Variants in PDCD6IP observed in about 807,000 individuals in gnomAD.
PDCD6IP encodes programmed cell death 6-interacting protein.
In PDCD6IP, 43 loss-of-function variants were observed where a neutral mutation model predicts 103.7. The ratio of observed to expected loss-of-function variants is 0.41; its 90% CI spans 0.32 to 0.53. The LOEUF is 0.53. Ranked by LOEUF, PDCD6IP falls within the 20% of genes least tolerant of loss-of-function variation. PDCD6IP has a pLI of 0.16. For missense variants in PDCD6IP, 871 were observed against 1,036.7 expected, an observed-to-expected ratio of 0.84 and a Z score of 2.20; for synonymous variants, 354 against 378.7, an observed-to-expected ratio of 0.93 and a Z score of 0.76.
intron 3 of PDCD6IP, among the ~76,000 whole-genome samples, chr3:33,814,318 A>G (rs1696785245): frequency 6.6e-6 from 1 of 151,808 alleles, no homozygotes; most frequent in Non-Finnish European, 1.5e-5. Context: ...TTTTTTTAGT[A>G]GAGACGGGGT....
At chr3:33,823,521 C>T (rs1697042998) in intron 4 of PDCD6IP, among the ~76,000 whole-genome samples, 2 of 152,214 alleles carry the variant, frequency 1.3e-5, no homozygotes, top group East Asian at 1.9e-4. Context: ...TGGTGGCTCA[C>T]GCCTGTAATC....
chr3:33,846,740 C>T (rs1697600630), intron 12 of PDCD6IP, among the ~76,000 whole-genome samples: 1 of 152,182 alleles, frequency 6.6e-6, no homozygotes. Context: ...CTCCTGATTT[C>T]TTGTGACAGA....
intron 1 of PDCD6IP, 200 bp downstream of exon 1, chr3:33,799,137 C>T (rs1316564961): frequency 1.7e-6 from 1 of 603,140 alleles, no homozygotes; most frequent in South Asian, 2.1e-5. Context: ...CCCGCTTGTC[C>T]TGCCTGCACG....
chr3:33,834,422 T>C (rs1697304849), intron 7 of PDCD6IP, among the ~76,000 whole-genome samples: 2 of 152,168 alleles, frequency 1.3e-5, no homozygotes, highest in East Asian at 1.9e-4. Context: ...CATTTACAAA[T>C]CAAATTTGAT....
At chr3:33,863,677 G>C (rs1212690600) in intron 15 of PDCD6IP, among the ~76,000 whole-genome samples, 2 of 152,114 alleles carry the variant, frequency 1.3e-5, no homozygotes, top group African/African-American at 2.4e-5. Context: ...TGGACACTTA[G>C]GTTGCATTCA....
chr3:33,852,540 A>C lies in PDCD6IP; in HGVS notation c.1694A>C (p.Glu565Ala), dbSNP rs1395446145. 2 of 1,560,126 alleles carry C rather than the reference A, an allele frequency of 1.3e-6. No individual in the cohort carries two copies. Among genetic ancestry groups the C allele is most frequent in the African/African-American group, 2.8e-5 (2 of 71,098 alleles). The change falls in exon 13 of 18, where the codon GAA (glutamate) becomes GCA (alanine). Residue 565 changes from glutamate to alanine, a missense_variant. Physicochemically the swap from Glu to Ala is moderately radical, Grantham distance 107. Coordinates refer to ENST00000307296, the MANE Select transcript of PDCD6IP (RefSeq NM_013374.6). ...LLSNLDEVKK[E>A]REGLENDLKS... The stretch of plus-strand genomic sequence containing the variant: ...TCAAATCTTGATGAAGTAAAGAAGG[A>C]AAGAGAGGGTCTGGAGAATGACTTG...
At chr3:33,850,179 A>G (rs1053142338) in intron 12 of PDCD6IP, among the ~76,000 whole-genome samples, 5 of 152,204 alleles carry the variant, frequency 3.3e-5, no homozygotes, top group Non-Finnish European at 5.9e-5. Context: ...AGTTGTGAAA[A>G]TTGAATTTTC....
intron 1 of PDCD6IP, among the ~76,000 whole-genome samples, chr3:33,807,559 G>T (rs1170899781): frequency 2.9e-5 from 3 of 103,478 alleles, no homozygotes; most frequent in Non-Finnish European, 6.2e-5. Context: ...ACGGCCCCCT[G>T]GGGCAGGTGC....
At chr3:33,854,402 G>T (rs1697785473) in intron 14 of PDCD6IP, among the ~76,000 whole-genome samples, 1 of 152,174 alleles carries the variant, frequency 6.6e-6, no homozygotes, top group Non-Finnish European at 1.5e-5. Flanking sequence ...GTTCTCTGCG[G>T]TGGTTTGCTG....
At chr3:33,838,017 A>G (rs1345448468) in intron 8 of PDCD6IP, among the ~76,000 whole-genome samples, 187 bp from the exon 9 acceptor site, 1 of 152,196 alleles carries the variant, frequency 6.6e-6, no homozygotes, top group Non-Finnish European at 1.5e-5. Flanking sequence ...TTGTCCATGA[A>G]TGTAGTGATC....
chr3:33,812,915 G>A (rs1481536324), intron 2 of PDCD6IP, among the ~76,000 whole-genome samples: 1 of 151,984 alleles, frequency 6.6e-6, no homozygotes, highest in African/African-American at 2.4e-5. Flanking sequence ...CTAATCAAGA[G>A]TTTAGAAATT....
chr3:33,855,407 A>G (rs1697804851), intron 15 of PDCD6IP, 147 bp downstream of exon 15: 1 of 501,106 alleles, frequency 2.0e-6, no homozygotes, highest in South Asian at 3.0e-5. Flanking sequence ...TTTACAAAGC[A>G]ACAAGTAAAC....
chr3:33,821,116 C>G (rs1329402143), intron 3 of PDCD6IP, among the ~76,000 whole-genome samples: 1 of 152,064 alleles, frequency 6.6e-6, no homozygotes, highest in Non-Finnish European at 1.5e-5. Flanking sequence ...TAGTGGTCCT[C>G]CCGCCTCCGA....
chr3:33,813,847 T>C (rs1696770729), intron 3 of PDCD6IP, among the ~76,000 whole-genome samples: 1 of 152,204 alleles, frequency 6.6e-6, no homozygotes, highest in Non-Finnish European at 1.5e-5. Context: ...ATAAAACCGA[T>C]GTACTTAGTT....
intron 1 of PDCD6IP, among the ~76,000 whole-genome samples, chr3:33,809,338 A>G (rs555416052): frequency 6.6e-6 from 1 of 152,218 alleles, no homozygotes; most frequent in South Asian, 2.1e-4. Flanking sequence ...TTTGATAACA[A>G]TGTCAGCCTA....
chr3:33,840,416 TAGTTC>T (rs1697443359), intron 9 of PDCD6IP, among the ~76,000 whole-genome samples: 1 of 152,188 alleles, frequency 6.6e-6, no homozygotes, highest in Non-Finnish European at 1.5e-5. Context: ...CGGACTCATG[TAGTTC>T]AAATCTGTGT....
chr3:33,856,428 G>C (rs1277359175), intron 15 of PDCD6IP, among the ~76,000 whole-genome samples: 1 of 151,852 alleles, frequency 6.6e-6, no homozygotes, highest in Non-Finnish European at 1.5e-5. Context: ...GGAACACAGA[G>C]TAGAAATGAG....
chr3:33,832,968 G>A lies in PDCD6IP; in HGVS notation c.835-3076G>A, dbSNP rs566978980. Among the ~76,000 whole-genome samples the A allele has an allele frequency of 3.9e-5, 6 of 152,120 alleles. No homozygotes were observed. In the South Asian group the frequency reaches 1.2e-3, roughly 32 times the overall value. ...CTATGATGGTCAAACATATATAAAA[G>A]TATGAATCATTGAACTTCTGTTACC... is the stretch of plus-strand genomic sequence containing the variant. On this transcript the variant is annotated intron_variant, in intron 7 of 17. Transcript: ENST00000307296.
rs1430604119 is a variant in PDCD6IP at position 33,869,584 on chromosome 3, A to G, written c.*3059A>G. 6.6e-6 allele frequency: 1 copy of G among 152,216 alleles called. No homozygotes were observed. Among genetic ancestry groups the G allele is most frequent in the East Asian group, 1.9e-4 (1 of 5,198 alleles). 9.4% of individuals were successfully genotyped at this position (152,216 alleles called of 1,614,324 possible). On this transcript the variant is annotated 3_prime_UTR_variant, in exon 18 of 18. Coordinates refer to ENST00000307296, the MANE Select transcript of PDCD6IP (RefSeq NM_013374.6). ...AGATTTTAGATTCTTTTCTGGTTAG[A>G]AACATTGCTGGTAGTTGGATTATAT...
Sources: gnomAD v4.1 joint callset for allele counts (sites outside exome capture counted in the v4.1 genomes callset) on GRCh38, gnomAD v4.1.1 for gene constraint, MANE v1.5 for transcripts, NCBI Gene and HGNC (gene_info 2026-07-23, HGNC 2026-07-21) for gene names.